Variants in GMDS observed in about 807,000 individuals in gnomAD.
GMDS encodes GDP-mannose 4,6-dehydratase.
Under a neutral mutation model 49.9 loss-of-function variants are expected in GMDS, and 20 were observed. The ratio of observed to expected loss-of-function variants is 0.40; its 90% CI spans 0.28 to 0.58. The LOEUF is 0.58. Among genes scored for constraint, GMDS ranks in the 20% least tolerant of loss-of-function variants. GMDS has a pLI of 0.42. For missense variants in GMDS, 362 were observed against 481.4 expected (o/e 0.75, Z 2.32); for synonymous variants, 177 against 178.6 (o/e 0.99, Z 0.07).
intron 6 of GMDS, among the ~76,000 whole-genome samples, chr6:1,931,416 C>T (rs544916584): frequency 6.6e-6 from 1 of 152,338 alleles, no homozygotes; most frequent in East Asian, 1.9e-4. Flanking sequence ...TTTATACCTA[C>T]ACCATTATCA....
chr6:1,905,799 T>C (rs1760741415), intron 7 of GMDS, among the ~76,000 whole-genome samples: 1 of 112,192 alleles, frequency 8.9e-6, no homozygotes, highest in Non-Finnish European at 1.9e-5. Context: ...TAGCTGTGGG[T>C]GCTGGCTTGT....
intron 6 of GMDS, among the ~76,000 whole-genome samples, chr6:1,942,305 T>C (rs1030173861): frequency 2.0e-5 from 3 of 152,042 alleles, no homozygotes; most frequent in Middle Eastern, 3.2e-3. Flanking sequence ...CCTAAATAAT[T>C]CCCCATCCCA....
intron 1 of GMDS, among the ~76,000 whole-genome samples, chr6:2,243,607 G>A (rs2127603893): frequency 6.6e-6 from 1 of 152,146 alleles, no homozygotes; most frequent in African/African-American, 2.4e-5. Context: ...CAGTATGTAG[G>A]CCCTGACCTG....
chr6:2,069,350 G>A lies in GMDS; in HGVS notation c.345+46421C>T, dbSNP rs184260791. Among the ~76,000 whole-genome samples the A allele has an allele frequency of 4.8e-3, 725 of 152,266 alleles. 1 individual carries two copies. Among genetic ancestry groups the A allele is most frequent in the Middle Eastern group, 0.01 (3 of 294 alleles). ...CCTAGGCTTTACCATTCAGGACATA[G>A]GCATGGGCAAGGACTTCATGTCTAA... On this transcript the variant is annotated intron_variant, in intron 4 of 10. Coordinates refer to ENST00000380815, the MANE Select transcript of GMDS (RefSeq NM_001500.4).
At chr6:2,091,766 A>G (rs1554163599) in intron 4 of GMDS, among the ~76,000 whole-genome samples, 1 of 151,998 alleles carries the variant, frequency 6.6e-6, no homozygotes, top group Non-Finnish European at 1.5e-5. Flanking sequence ...AGCCAGGTAT[A>G]GTGATGCACA....
At chr6:2,163,788 T>C (rs1196365780) in intron 1 of GMDS, among the ~76,000 whole-genome samples, 8 of 152,202 alleles carry the variant, frequency 5.3e-5, no homozygotes, top group Non-Finnish European at 1.5e-5. Flanking sequence ...ACTTGGCCCC[T>C]GGGATCCAAT....
chr6:1,746,151 C>A (rs1308027924), intron 7 of GMDS, among the ~76,000 whole-genome samples: 2 of 152,230 alleles, frequency 1.3e-5, no homozygotes, highest in South Asian at 4.1e-4. Flanking sequence ...ACTCTGTGAT[C>A]AAATCGCCAC....
At chr6:2,199,677 C>T (rs1387817333) in intron 1 of GMDS, among the ~76,000 whole-genome samples, 3 of 152,188 alleles carry the variant, frequency 2.0e-5, no homozygotes, top group Non-Finnish European at 4.4e-5. Context: ...ATGCCCCAAG[C>T]TCATTTCAAT....
intron 1 of GMDS, among the ~76,000 whole-genome samples, chr6:2,163,863 G>A (rs536945069): frequency 1.3e-5 from 2 of 152,126 alleles, no homozygotes; most frequent in South Asian, 2.1e-4. Context: ...CCTAACAGAC[G>A]AAAGCAACCA....
At position 1,743,542 on chromosome 6, in the gene GMDS, CA is replaced by C. The variant is rs5873811; in HGVS notation, c.772-957del. 3.4e-3 allele frequency among the ~76,000 whole-genome samples: 398 copies of C among 117,224 alleles called. 8 individuals carry two copies. In the Middle Eastern group the frequency reaches 0.057, roughly 17 times the overall value. 76.9% of individuals were successfully genotyped at this position (117,224 alleles called of 152,430 possible). A position where few individuals can be genotyped will look rare whatever the true frequency, so the allele number is the denominator to read the frequency against. ...TGGACGACAGAACCAGACTCCATCT[CA>C]AAAAAAAAAAAAAAAAATGGATGTC... On this transcript the variant is annotated intron_variant, in intron 7 of 10. Transcript: ENST00000380815.
intron 9 of GMDS, among the ~76,000 whole-genome samples, chr6:1,720,656 G>A (rs982932468): frequency 1.3e-5 from 2 of 152,112 alleles, no homozygotes; most frequent in East Asian, 1.9e-4. Context: ...GAGTAGTCTC[G>A]CCTCTCTTTC....
At chr6:1,781,274 G>C (rs1161262089) in intron 7 of GMDS, among the ~76,000 whole-genome samples, 2 of 152,178 alleles carry the variant, frequency 1.3e-5, no homozygotes, top group Non-Finnish European at 2.9e-5. Context: ...TGCTGGTTCA[G>C]GTCCCGGGTG....
intron 7 of GMDS, among the ~76,000 whole-genome samples, chr6:1,857,931 C>A (rs967724392): frequency 6.6e-6 from 1 of 152,196 alleles, no homozygotes; most frequent in Admixed American, 6.5e-5. Context: ...TAAAGAACTA[C>A]CACATCCACC....
chr6:1,846,521 A>G (rs1012758160), intron 7 of GMDS, among the ~76,000 whole-genome samples: 1 of 152,242 alleles, frequency 6.6e-6, no homozygotes, highest in Admixed American at 6.5e-5. Flanking sequence ...GTTTCTCTCC[A>G]TTGATAGGAA....
chr6:2,199,608 CCCTT>C (rs1437781827), intron 1 of GMDS, among the ~76,000 whole-genome samples: 1 of 152,180 alleles, frequency 6.6e-6, no homozygotes, highest in African/African-American at 2.4e-5. Flanking sequence ...CTGCCTGAAA[CCCTT>C]CCTCCTCTCC....
chr6:1,890,727 A>G (rs919646799), intron 7 of GMDS, among the ~76,000 whole-genome samples: 3 of 152,180 alleles, frequency 2.0e-5, no homozygotes, highest in African/African-American at 7.2e-5. Context: ...CCTGTAATGT[A>G]CCTTTTACCA....
At chr6:2,243,713 A>G (rs1781718612) in intron 1 of GMDS, among the ~76,000 whole-genome samples, 1 of 152,154 alleles carries the variant, frequency 6.6e-6, no homozygotes, top group African/African-American at 2.4e-5. Flanking sequence ...CTAGTTTTCA[A>G]ACTCTTGTCT....
intron 9 of GMDS, among the ~76,000 whole-genome samples, chr6:1,708,109 T>C (rs910232394): frequency 3.3e-5 from 5 of 152,092 alleles, no homozygotes. Flanking sequence ...AAAGGAAATA[T>C]CCAGAAGTAT....
At chr6:2,000,291 T>A (rs1323660474) in intron 4 of GMDS, among the ~76,000 whole-genome samples, 1 of 151,120 alleles carries the variant, frequency 6.6e-6, no homozygotes, top group East Asian at 2.0e-4. Context: ...CGCCTTGGCC[T>A]CCCAAAATGC....
Sources: gnomAD v4.1 joint callset for allele counts (sites outside exome capture counted in the v4.1 genomes callset) on GRCh38, gnomAD v4.1.1 for gene constraint, MANE v1.5 for transcripts, NCBI Gene and HGNC (gene_info 2026-07-23, HGNC 2026-07-21) for gene names.